ZC3H12D: variants seen among roughly 807,000 people sequenced by gnomAD.
The protein encoded by ZC3H12D is zinc finger CCCH-type containing 12D, also known as probable ribonuclease ZC3H12D.
Under a neutral mutation model 24.2 loss-of-function variants are expected in ZC3H12D, and 11 were observed. The observed-to-expected ratio is 0.46, with a 90% confidence interval of 0.29 to 0.75. The LOEUF (loss-of-function observed/expected upper bound fraction) is 0.75. Among genes scored for constraint, ZC3H12D ranks in the 30% least tolerant of loss-of-function variants. The pLI is 0.11. For synonymous variants in ZC3H12D, 333 were observed against 341.8 expected (o/e 0.97, Z 0.28); for missense variants, 740 against 767.7 (o/e 0.96, Z 0.43).
At chr6:149,462,230 G>A (rs770182172) in intron 2 of ZC3H12D, among the ~76,000 whole-genome samples, 2 of 151,898 alleles carry the variant, frequency 1.3e-5, no homozygotes, top group Admixed American at 1.3e-4. Flanking sequence ...AAAAATTACC[G>A]AGGTGTAGTG....
chr6:149,460,595 G>A (rs1249091414), intron 3 of ZC3H12D, among the ~76,000 whole-genome samples: 9 of 152,200 alleles, frequency 5.9e-5, no homozygotes, highest in Admixed American at 5.9e-4. Context: ...AGCACTTTGG[G>A]AGGCAGAGGT....
At chr6:149,478,362 G>A (rs529192623) in intron 1 of ZC3H12D, among the ~76,000 whole-genome samples, 3 of 151,888 alleles carry the variant, frequency 2.0e-5, no homozygotes, top group African/African-American at 7.2e-5. Flanking sequence ...GAGATTTGCA[G>A]AAATGTTAAT....
Position 149,456,622 on chromosome 6 carries a change from C to CCCCCCCCCCCCCCCCCCCGGGGGAAG in ZC3H12D, c.680+43_680+44insCTTCCCCCGGGGGGGGGGGGGGGGGG. Reference sequence around the variant, plus strand: ...GGCCACTGCCTCGACCCCGGCCCCCCGCCCCGCCGCCCCCCAGGGTGTCAG... The same window carrying CCCCCCCCCCCCCCCCCCCGGGGGAAG: ...GGCCACTGCCTCGACCCCGGCCCCCCCCCCCCCCCCCCCCCCCCGGGGGAAGGCCCCGCCGCCCCCCAGGGTGTCAG... On this transcript the variant is annotated intron_variant, in intron 4 of 5. Coordinates refer to ENST00000409806, the MANE Select transcript of ZC3H12D (RefSeq NM_207360.3). The surrounding 1 kb of genome is among the most constrained non-coding windows in gnomAD (Gnocchi z 4.3). The CCCCCCCCCCCCCCCCCCCGGGGGAAG allele has an allele frequency of 1.5e-6, 2 of 1,314,352 alleles. No homozygotes were observed. The highest frequency in any genetic ancestry group is 2.2e-6 in the Non-Finnish European group (2 of 921,302). The allele number at this position is 1,314,352 out of a possible 1,614,324, so 81.4% of individuals were successfully genotyped here. A position where few individuals can be genotyped will look rare whatever the true frequency, so the allele number is the denominator to read the frequency against.
chr6:149,470,558 T>G (rs1161180928), intron 2 of ZC3H12D, among the ~76,000 whole-genome samples: 1 of 151,426 alleles, frequency 6.6e-6, no homozygotes, highest in Non-Finnish European at 1.5e-5. Flanking sequence ...AAAAATAAAA[T>G]GTATATATTT....
intron 5 of ZC3H12D, 51 bp from the exon 6 acceptor site, chr6:149,451,530 AG>A (rs1775896056): frequency 6.8e-7 from 1 of 1,465,684 alleles, no homozygotes; most frequent in Non-Finnish European, 9.0e-7. Context: ...GGGGGCGCGG[AG>A]GGGCGGTGGT....
intron 3 of ZC3H12D, among the ~76,000 whole-genome samples, chr6:149,460,240 T>C: frequency 6.6e-6 from 1 of 152,242 alleles, no homozygotes; most frequent in East Asian, 1.9e-4. Flanking sequence ...AAATACTCAT[T>C]GGAGCATTTC....
intron 5 of ZC3H12D, among the ~76,000 whole-genome samples, chr6:149,451,716 G>T (rs1430293159): frequency 6.6e-6 from 1 of 152,212 alleles, no homozygotes. Context: ...TGGGTGAGGG[G>T]GCGCTGAGCA....
chr6:149,460,325 T>A (rs373596), intron 3 of ZC3H12D, among the ~76,000 whole-genome samples: 13 of 151,974 alleles, frequency 8.6e-5, no homozygotes, highest in African/African-American at 1.2e-4. Flanking sequence ...AAAACACTTC[T>A]GCTCCCAAGT....
rs61206923 is a variant in ZC3H12D at position 149,449,925 on chromosome 6, C to CTGCGTGTGTGTGTG, written c.*757_*758insCACACACACACGCA. On this transcript the variant is annotated 3_prime_UTR_variant, in exon 6 of 6. Transcript: ENST00000409806. ...TGTGAGTATGTACATGTATGATAGA[C>CTGCGTGTGTGTGTG]TGTGTGTGTGTGTGTGTGTGTGTGT... is the stretch of plus-strand genomic sequence containing the variant. 0.026 allele frequency: 3,699 copies of CTGCGTGTGTGTGTG among 144,076 alleles called. 104 individuals are homozygous for CTGCGTGTGTGTGTG. The highest frequency in any genetic ancestry group is 0.071 in the South Asian group (315 of 4,468). 8.9% of individuals were successfully genotyped at this position (144,076 alleles called of 1,614,324 possible). A position where few individuals can be genotyped will look rare whatever the true frequency, so the allele number is the denominator to read the frequency against.
chr6:149,451,459 T>A lies in ZC3H12D; in HGVS notation c.808A>T (p.Ile270Phe). The A allele has an allele frequency of 6.4e-7, 1 of 1,574,540 alleles. No individual in the cohort carries two copies. The highest frequency in any genetic ancestry group is 1.7e-5 in the Admixed American group (1 of 58,652). The change falls in exon 6 of 6, where the codon ATC becomes TTC. Residue 270 changes from isoleucine to phenylalanine, a missense_variant. Coordinates refer to ENST00000409806, the MANE Select transcript of ZC3H12D (RefSeq NM_207360.3). ...TCCGGGTGGTAGAACTTGCACTTGATGCCATAGGTGCATTTCTTGCCTGAA... is the reference window on the plus strand; with the variant it reads ...TCCGGGTGGTAGAACTTGCACTTGAAGCCATAGGTGCATTTCTTGCCTGAA... ...CPYGKKCTYG[I>F]KCKFYHPERP...
chr6:149,457,322 G>A (rs1043782330), intron 3 of ZC3H12D, among the ~76,000 whole-genome samples: 1 of 152,180 alleles, frequency 6.6e-6, no homozygotes, highest in Non-Finnish European at 1.5e-5. Flanking sequence ...GCATGACGGG[G>A]AGCCTGGCAT....
At chr6:149,455,772 G>A (rs1334541254) in intron 4 of ZC3H12D, among the ~76,000 whole-genome samples, 1 of 152,020 alleles carries the variant, frequency 6.6e-6, no homozygotes, top group African/African-American at 2.4e-5. Flanking sequence ...CTCAGTGGCT[G>A]ACACCTAAAA....
intron 2 of ZC3H12D, among the ~76,000 whole-genome samples, chr6:149,463,438 T>C (rs814181): frequency 0.36 from 55,395 of 152,098 alleles, 10,618 homozygotes; most frequent in African/African-American, 0.46. Context: ...AGGCCGGGCG[T>C]GGTGGCTCAC....
rs1424334251 is a variant in ZC3H12D, at chr6:149,448,378, T to A, written c.*2305A>T. On this transcript the variant is annotated 3_prime_UTR_variant, in exon 6 of 6. Transcript: ENST00000409806. ...CTGTAATCCCAACGCTTTGGGTCTT[T>A]ACAAAAAATAGAAAAAATTAGCTGG... The A allele has an allele frequency of 6.6e-6, 1 of 151,894 alleles. No homozygotes were observed. The highest frequency in any genetic ancestry group is 1.5e-5 in the Non-Finnish European group (1 of 67,998). 9.4% of individuals were successfully genotyped at this position (151,894 alleles called of 1,614,324 possible). A position where few individuals can be genotyped will look rare whatever the true frequency, so the allele number is the denominator to read the frequency against.
At chr6:149,465,514 G>A (rs1776140523) in intron 2 of ZC3H12D, among the ~76,000 whole-genome samples, 1 of 152,046 alleles carries the variant, frequency 6.6e-6, no homozygotes, top group Non-Finnish European at 1.5e-5. Flanking sequence ...CAGCACTTTC[G>A]GAGGCCAAGG....
intron 3 of ZC3H12D, among the ~76,000 whole-genome samples, chr6:149,457,303 A>T (rs917989257): frequency 1.3e-5 from 2 of 152,190 alleles, no homozygotes; most frequent in Non-Finnish European, 2.9e-5. Flanking sequence ...GACCTTGATG[A>T]TGCCTTCAGC....
At chr6:149,474,069 A>G (rs1776290927) in intron 2 of ZC3H12D, among the ~76,000 whole-genome samples, 170 bp downstream of exon 2, 1 of 152,208 alleles carries the variant, frequency 6.6e-6, no homozygotes, top group Admixed American at 6.5e-5. Flanking sequence ...CAGAGGGGTT[A>G]AGTGACTTGC....
At chr6:149,473,807 G>A (rs1776286638) in intron 2 of ZC3H12D, among the ~76,000 whole-genome samples, 1 of 152,136 alleles carries the variant, frequency 6.6e-6, no homozygotes, top group South Asian at 2.1e-4. Flanking sequence ...AATGAGTCCT[G>A]CAGCTTTTCC....
Position 149,450,822 on chromosome 6 carries a change from C to A in ZC3H12D, c.1445G>T (p.Arg482Leu), listed in dbSNP as rs1056265981. 1.9e-6 allele frequency: 3 copies of A among 1,546,780 alleles called. No individual in the cohort carries two copies. The African/African-American group carries it at 4.1e-5, about 21-fold the overall frequency. The change falls in exon 6 of 6, where the codon CGC becomes CTC. Residue 482 changes from arginine (R) to leucine (L), a missense_variant. Physicochemically the swap from Arg to Leu is moderately radical, Grantham distance 102 (BLOSUM62 -2). Transcript: ENST00000409806. ...DDEGDARARA[R>L]IALYSVFPRD... ...CGGGAAGACGCTGTAGAGCGCGATG[C>A]GAGCCCGGGCGCGCGCGTCCCCCTC... is the stretch of plus-strand genomic sequence containing the variant.
Sources: allele counts gnomAD v4.1 joint callset (sites outside exome capture counted in the v4.1 genomes callset), GRCh38; gene constraint gnomAD v4.1.1; non-coding constraint Gnocchi (gnomAD v3.1); transcripts MANE v1.5; gene names NCBI Gene and HGNC (gene_info 2026-07-23, HGNC 2026-07-21).